Variants in PDE1C observed in about 807,000 individuals in gnomAD.
PDE1C encodes dual specificity calcium/calmodulin-dependent 3',5'-cyclic nucleotide phosphodiesterase 1C.
Under a neutral mutation model 93.1 loss-of-function variants are expected in PDE1C, and 62 were observed. That is an observed-to-expected ratio of 0.67 (90% CI 0.54 to 0.82). The LOEUF is 0.82. PDE1C is among the 40% of genes least tolerant of loss of function. PDE1C has a pLI of 0.00. For missense variants in PDE1C, 742 were observed against 884.6 expected (o/e 0.84, Z 2.04); for synonymous variants, 325 against 310.1 (o/e 1.05, Z -0.50).
rs533408024 is a variant in PDE1C, at chr7:32,260,695, C to G, written c.85+37956G>C. On this transcript the variant is annotated intron_variant, in intron 1 of 18. Coordinates refer to the PDE1C transcript ENST00000396193. The stretch of plus-strand genomic sequence containing the variant: ...TCCTTGTTCATTCCTGGGCATAGGC[C>G]GAACTAACTTTGGGAAGGAATTCAG... Among the ~76,000 whole-genome samples, 39 of 152,314 alleles carry G rather than the reference C, an allele frequency of 2.6e-4. 2 individuals carry two copies. In the South Asian group the frequency reaches 4.6e-3, roughly 18 times the overall value.
At chr7:32,080,413 A>T (rs1010755728) in intron 3 of PDE1C, among the ~76,000 whole-genome samples, 2 of 152,214 alleles carry the variant, frequency 1.3e-5, no homozygotes, top group African/African-American at 4.8e-5. Context: ...TTCCTAGCAC[A>T]TACATTATAC....
At chr7:31,873,798 C>A (rs1236451808) in intron 5 of PDE1C, among the ~76,000 whole-genome samples, 1 of 152,174 alleles carries the variant, frequency 6.6e-6, no homozygotes, top group African/African-American at 2.4e-5. Flanking sequence ...GAGATACAGG[C>A]AGGGCCAGAA....
intron 1 of PDE1C, among the ~76,000 whole-genome samples, chr7:32,404,689 C>T (rs562521503): frequency 6.6e-6 from 1 of 152,234 alleles, no homozygotes; most frequent in East Asian, 1.9e-4. Context: ...GGCAATGCTC[C>T]ATAATCTTCG....
At chr7:31,829,840 G>A (rs1473200782) in intron 11 of PDE1C, among the ~76,000 whole-genome samples, 2 of 152,180 alleles carry the variant, frequency 1.3e-5, no homozygotes, top group Admixed American at 6.5e-5. Context: ...AAAAGGAAGT[G>A]CATTTATAAC....
At chr7:32,365,000 G>A (rs1236060765) in intron 1 of PDE1C, among the ~76,000 whole-genome samples, 1 of 152,208 alleles carries the variant, frequency 6.6e-6, no homozygotes, top group Non-Finnish European at 1.5e-5. Context: ...AGTGGGAGAG[G>A]CCTTCAAGCC....
intron 2 of PDE1C, among the ~76,000 whole-genome samples, chr7:31,998,192 T>C (rs1161277351): frequency 6.6e-6 from 1 of 152,008 alleles, no homozygotes; most frequent in East Asian, 1.9e-4. Context: ...GCTAATTTTT[T>C]GTATTTTTAG....
chr7:31,629,048 T>A, the PDE1C span, among the ~76,000 whole-genome samples: 1 of 152,196 alleles, frequency 6.6e-6, no homozygotes, highest in East Asian at 1.9e-4. Context: ...ATTTGAAACC[T>A]ATCTATTGTC....
intron 1 of PDE1C, among the ~76,000 whole-genome samples, chr7:32,266,176 G>C (rs903142165): frequency 1.5e-4 from 23 of 152,202 alleles, no homozygotes; most frequent in African/African-American, 5.5e-4. Flanking sequence ...CAGCTACTCA[G>C]GAAGCTGAGG....
At chr7:32,052,286 C>G in intron 1 of PDE1C, 1 of 481,182 alleles carries the variant, frequency 2.1e-6, no homozygotes, top group South Asian at 1.5e-5. Context: ...AGTCATTTAG[C>G]CTTGGGCAAA....
chr7:31,852,207 C>T (rs1793430642), intron 7 of PDE1C, among the ~76,000 whole-genome samples: 1 of 152,074 alleles, frequency 6.6e-6, no homozygotes, highest in African/African-American at 2.4e-5. Flanking sequence ...TGACATAGAA[C>T]TTATGAAAAA....
At chr7:31,855,068 C>CAAAA (rs1459366824) in intron 7 of PDE1C, among the ~76,000 whole-genome samples, 1 of 21,928 alleles carries the variant, frequency 4.6e-5, no homozygotes, top group Non-Finnish European at 1.0e-4. Context: ...CTCCCTCTGT[C>CAAAA]TAAAAAAAAA....
intron 1 of PDE1C, among the ~76,000 whole-genome samples, chr7:32,236,501 A>G (rs2128866130): frequency 6.6e-6 from 1 of 152,288 alleles, no homozygotes; most frequent in East Asian, 1.9e-4. Context: ...CAAAAGATTT[A>G]GACATTTTAC....
chr7:31,666,956 G>A, the PDE1C span, among the ~76,000 whole-genome samples: 2 of 152,136 alleles, frequency 1.3e-5, no homozygotes, highest in African/African-American at 4.8e-5. Context: ...CTAGGCATAA[G>A]GGCTAGGGTT....
chr7:32,094,752 T>C (rs1797661659), intron 3 of PDE1C, among the ~76,000 whole-genome samples: 1 of 152,200 alleles, frequency 6.6e-6, no homozygotes, highest in African/African-American at 2.4e-5. Flanking sequence ...TGGTTTCCTA[T>C]TACTCATAGG....
In PDE1C at chr7:31,919,625, C is replaced by A. The variant is rs530378211; in HGVS notation, c.129-38765G>T. 8.3e-4 allele frequency among the ~76,000 whole-genome samples: 127 copies of A among 152,128 alleles called. No homozygotes were observed. The South Asian group carries it at 0.023, about 28-fold the overall frequency. On this transcript the variant is annotated intron_variant, in intron 2 of 17. Transcript: ENST00000396191. ...TACCCTTAAAAAAACGAGGGCAAAC[C>A]AACACGTAAAAAGAAACCAAAAAAG...
chr7:31,662,903 C>T, the PDE1C span, among the ~76,000 whole-genome samples: 1 of 152,162 alleles, frequency 6.6e-6, no homozygotes, highest in Admixed American at 6.5e-5. Flanking sequence ...AACCAAAAAT[C>T]TGATTGTGCT....
chr7:31,884,007 G>T (rs570910738), intron 2 of PDE1C, among the ~76,000 whole-genome samples: 1 of 152,292 alleles, frequency 6.6e-6, no homozygotes, highest in Non-Finnish European at 1.5e-5. Flanking sequence ...GAGAGGAAAT[G>T]ACACAGAAAT....
At chr7:31,712,424 A>C in the PDE1C span, among the ~76,000 whole-genome samples, 1 of 152,256 alleles carries the variant, frequency 6.6e-6, no homozygotes, top group Non-Finnish European at 1.5e-5. Context: ...GGAGCCGAAC[A>C]CAAATGTCAG....
chr7:31,729,012 A>G, the PDE1C span, among the ~76,000 whole-genome samples: 6 of 152,174 alleles, frequency 3.9e-5, no homozygotes, highest in Non-Finnish European at 7.3e-5. Flanking sequence ...CTGGCTGCAT[A>G]GTGCAGATGA....
Sources: gnomAD v4.1 joint callset for allele counts (sites outside exome capture counted in the v4.1 genomes callset) on GRCh38, gnomAD v4.1.1 for gene constraint, MANE v1.5 for transcripts, NCBI Gene and HGNC (gene_info 2026-07-23, HGNC 2026-07-21) for gene names.